The following GRXCR1 variants were observed in gnomAD, a reference collection of about 807,000 sequenced individuals.
GRXCR1 encodes the protein glutaredoxin domain-containing cysteine-rich protein 1.
In GRXCR1, 27 loss-of-function variants were observed where a neutral mutation model predicts 27.3. The ratio of observed to expected loss-of-function variants is 0.99; its 90% CI spans 0.73 to 1.37. GRXCR1 has a LOEUF of 1.37. Among genes scored for constraint, GRXCR1 ranks in the 40% most tolerant of loss-of-function variants. The pLI, the probability that GRXCR1 is intolerant of heterozygous loss-of-function variation, is 0.00. For missense variants in GRXCR1, 379 were observed against 354.4 expected, an observed-to-expected ratio of 1.07 and a Z score of -0.56; for synonymous variants, 122 against 131.1, an observed-to-expected ratio of 0.93 and a Z score of 0.47.
intron 1 of GRXCR1, among the ~76,000 whole-genome samples, chr4:42,947,310 G>A (rs1281561147): frequency 3.3e-5 from 5 of 151,940 alleles, no homozygotes; most frequent in Admixed American, 6.6e-5. Context: ...GACATGTCAG[G>A]GAAAACTTAG....
intron 2 of GRXCR1, among the ~76,000 whole-genome samples, chr4:42,980,905 T>C (rs2109784695): frequency 6.6e-6 from 1 of 151,998 alleles, no homozygotes; most frequent in East Asian, 1.9e-4. Context: ...TATGTGCCCT[T>C]ACAGGTGAAG....
chr4:42,970,943 G>T (rs1748370692), intron 2 of GRXCR1, among the ~76,000 whole-genome samples: 1 of 152,072 alleles, frequency 6.6e-6, no homozygotes, highest in Non-Finnish European at 1.5e-5. Context: ...CTTCGTGAAT[G>T]CATATGACTG....
intron 1 of GRXCR1, among the ~76,000 whole-genome samples, chr4:42,920,642 G>A (rs1746987467): frequency 6.6e-6 from 1 of 152,048 alleles, no homozygotes; most frequent in Non-Finnish European, 1.5e-5. Context: ...TTATCAAGAT[G>A]GATAACTCTT....
rs1353182272 is a variant in GRXCR1 at position 42,983,156 on chromosome 4, C to T, written c.627+20022C>T. Among the ~76,000 whole-genome samples, 70 of 150,916 alleles carry T rather than the reference C, an allele frequency of 4.6e-4. 1 individual carries two copies. The East Asian group carries it at 0.01, about 22-fold the overall frequency. ...ATGCCTATGTCCTGAATGGTAATGC[C>T]TAGGTTTTCTTCTAGGGTTTTTATG... On this transcript the variant is annotated intron_variant, in intron 2 of 3. Coordinates refer to ENST00000399770, the MANE Select transcript of GRXCR1 (RefSeq NM_001080476.3).
At chr4:42,980,172 A>T (rs985623704) in intron 2 of GRXCR1, among the ~76,000 whole-genome samples, 12 of 150,986 alleles carry the variant, frequency 7.9e-5, no homozygotes, top group Admixed American at 5.9e-4. Context: ...AATTTTCTTC[A>T]TTCTACTATC....
intron 1 of GRXCR1, among the ~76,000 whole-genome samples, chr4:42,932,659 GA>G (rs1560654431): frequency 2.9e-4 from 36 of 125,142 alleles, no homozygotes; most frequent in African/African-American, 7.1e-4. Flanking sequence ...GAGAGAGAGA[GA>G]GAGAGGCAAT....
intron 1 of GRXCR1, among the ~76,000 whole-genome samples, chr4:42,914,512 T>C (rs1270610676): frequency 6.6e-6 from 1 of 152,234 alleles, no homozygotes; most frequent in Non-Finnish European, 1.5e-5. Context: ...CTTCATTGTA[T>C]CTGGGAAGTA....
rs557557420 is a variant in GRXCR1 at position 42,969,372 on chromosome 4, A to C, written c.627+6238A>C. Among the ~76,000 whole-genome samples the C allele has an allele frequency of 2.6e-5, 4 of 152,246 alleles. No individual in the cohort carries two copies. The East Asian group carries it at 7.7e-4, about 29-fold the overall frequency. ...ACTACCTGAGACTGGGTAATTTATG[A>C]AGAAAAGAGGTTTAATTGACTCACA... On this transcript the variant is annotated intron_variant, in intron 2 of 3. Coordinates refer to ENST00000399770, the MANE Select transcript of GRXCR1 (RefSeq NM_001080476.3).
At chr4:42,897,889 A>C (rs1746381801) in intron 1 of GRXCR1, among the ~76,000 whole-genome samples, 1 of 151,234 alleles carries the variant, frequency 6.6e-6, no homozygotes, top group Non-Finnish European at 1.5e-5. Context: ...AATTGTGCCC[A>C]AAAGTTTATA....
intron 2 of GRXCR1, among the ~76,000 whole-genome samples, chr4:42,980,842 T>G (rs564558326): frequency 6.6e-6 from 1 of 152,024 alleles, no homozygotes; most frequent in Admixed American, 6.6e-5. Flanking sequence ...ATTTATAATA[T>G]TTTTTGGTTT....
At position 42,932,619 on chromosome 4, in the gene GRXCR1, T is replaced by TAGAGAGAG. The variant is rs762758381; in HGVS notation, c.385-30234_385-30227dup. Among the ~76,000 whole-genome samples, 77 of 22,914 alleles carry TAGAGAGAG rather than the reference T, an allele frequency of 3.4e-3. 2 individuals carry two copies. The highest frequency in any genetic ancestry group is 4.2e-3 in the Non-Finnish European group (55 of 13,160). The allele number at this position is 22,914 out of a possible 152,430, so 15.0% of individuals were successfully genotyped here. A position where few individuals can be genotyped will look rare whatever the true frequency, so the allele number is the denominator to read the frequency against. On this transcript the variant is annotated intron_variant, in intron 1 of 3. Transcript: ENST00000399770. ...ATATATATATATATATATATATATATAGAGAGAGAGAGAGAGAGAGAGAGA... is the reference window on the plus strand; with the variant it reads ...ATATATATATATATATATATATATATAGAGAGAGAGAGAGAGAGAGAGAGAGAGAGAGA...
At chr4:43,013,365 T>C (rs534020894) in intron 2 of GRXCR1, among the ~76,000 whole-genome samples, 1 of 152,270 alleles carries the variant, frequency 6.6e-6, no homozygotes, top group South Asian at 2.1e-4. Context: ...TTATCATAAG[T>C]GAATTAATGC....
At chr4:42,995,146 A>C (rs1712109397) in intron 2 of GRXCR1, among the ~76,000 whole-genome samples, 2 of 152,110 alleles carry the variant, frequency 1.3e-5, no homozygotes, top group African/African-American at 4.8e-5. Flanking sequence ...GACACTTTTG[A>C]ATTTGTTAAG....
At chr4:42,982,029 C>T (rs1748682994) in intron 2 of GRXCR1, among the ~76,000 whole-genome samples, 1 of 150,760 alleles carries the variant, frequency 6.6e-6, no homozygotes, top group South Asian at 2.1e-4. Context: ...AAGAGGCTTT[C>T]CACCCCTTTG....
intron 1 of GRXCR1, among the ~76,000 whole-genome samples, chr4:42,943,592 C>T (rs1453745993): frequency 3.3e-5 from 5 of 151,940 alleles, no homozygotes; most frequent in South Asian, 4.2e-4. Context: ...ATCTAGAGCA[C>T]GGAAAACAAC....
chr4:42,932,597 TATATATATATATATATATATATAGAGAG>T (rs1310984292), intron 1 of GRXCR1, among the ~76,000 whole-genome samples: 2 of 55,152 alleles, frequency 3.6e-5, no homozygotes, highest in Middle Eastern at 9.1e-3. Context: ...TATATATATA[TATATATATATATATATATATATAGAGAG>T]AGAGAGAGAG....
intron 2 of GRXCR1, among the ~76,000 whole-genome samples, chr4:42,965,720 A>T (rs1748222501): frequency 1.3e-5 from 2 of 152,042 alleles, no homozygotes; most frequent in Admixed American, 1.3e-4. Flanking sequence ...CAATTTTTTT[A>T]TAGGAAGGAG....
chr4:42,987,865 ATGAC>A (rs1351613543), intron 2 of GRXCR1, among the ~76,000 whole-genome samples: 3 of 152,220 alleles, frequency 2.0e-5, no homozygotes, highest in Non-Finnish European at 4.4e-5. Context: ...CTAGGCTTCT[ATGAC>A]ACAGAACTCA....
At chr4:42,931,647 T>C (rs1409905387) in intron 1 of GRXCR1, among the ~76,000 whole-genome samples, 1 of 151,984 alleles carries the variant, frequency 6.6e-6, no homozygotes, top group Non-Finnish European at 1.5e-5. Context: ...CATTTTGTTT[T>C]GAAATACGTA....
Sources: allele counts gnomAD v4.1 joint callset (sites outside exome capture counted in the v4.1 genomes callset), GRCh38; gene constraint gnomAD v4.1.1; transcripts MANE v1.5; gene names NCBI Gene and HGNC (gene_info 2026-07-23, HGNC 2026-07-21).